PARD3: variants seen among roughly 807,000 people sequenced by gnomAD.
The protein encoded by PARD3 is par-3 family cell polarity regulator, also known as partitioning defective 3 homolog.
A neutral mutation model predicts 155.4 loss-of-function variants in PARD3; 75 were observed. That is an observed-to-expected ratio of 0.48 (90% CI 0.40 to 0.58). The LOEUF (loss-of-function observed/expected upper bound fraction) is 0.58. Ranked by LOEUF, PARD3 falls within the 20% of genes least tolerant of loss-of-function variation. The probability of loss-of-function intolerance (pLI) is 0.00; values close to 1 mark genes in which losing one functional copy is unlikely to be tolerated. For synonymous variants in PARD3, 576 were observed against 610.5 expected, an observed-to-expected ratio of 0.94 and a Z score of 0.83; for missense variants, 1,642 against 1,721.7, an observed-to-expected ratio of 0.95 and a Z score of 0.82.
intron 16 of PARD3, among the ~76,000 whole-genome samples, chr10:34,338,239 T>C (rs528167974): frequency 2.6e-5 from 4 of 152,366 alleles, no homozygotes; most frequent in African/African-American, 7.2e-5. Flanking sequence ...AGGAAGCATA[T>C]GGCAAATCCC....
intron 2 of PARD3, among the ~76,000 whole-genome samples, chr10:34,566,068 G>C (rs1253217854): frequency 1.3e-5 from 2 of 152,236 alleles, no homozygotes; most frequent in East Asian, 1.9e-4. Context: ...ACTACATGAG[G>C]TCTGGAGCTG....
chr10:34,621,835 G>GA (rs1227716255), intron 2 of PARD3, among the ~76,000 whole-genome samples: 1 of 152,056 alleles, frequency 6.6e-6, no homozygotes, highest in Non-Finnish European at 1.5e-5. Flanking sequence ...TACCAAAACT[G>GA]AAAAAAGATT....
At position 34,814,869 on chromosome 10, in the gene PARD3, C is replaced by T. The variant is rs776623871; in HGVS notation, c.120+7G>A. On this transcript the variant is annotated splice_region_variant and intron_variant, in intron 1 of 24. Coordinates refer to ENST00000374788, the MANE Select transcript of PARD3 (RefSeq NM_001184785.2). The stretch of plus-strand genomic sequence containing the variant: ...CCCCCTCCCCGCCCGCGCCCCCGGC[C>T]CCTCACCTTGGCGATGGCCTTCCGG... The T allele has an allele frequency of 3.7e-5, 56 of 1,513,588 alleles. 1 individual carries two copies. In the Admixed American group the frequency reaches 1.1e-3, roughly 30 times the overall value. 93.8% of individuals were successfully genotyped at this position (1,513,588 alleles called of 1,614,324 possible).
At chr10:34,533,998 T>A (rs2083042672) in intron 2 of PARD3, among the ~76,000 whole-genome samples, 1 of 152,060 alleles carries the variant, frequency 6.6e-6, no homozygotes, top group Admixed American at 6.5e-5. Flanking sequence ...ACACCCCCAT[T>A]TCCATGAAAG....
At chr10:34,402,000 G>A in intron 5 of PARD3, 83 bp from the exon 6 acceptor site, 1 of 1,025,038 alleles carries the variant, frequency 9.8e-7, no homozygotes, top group Non-Finnish European at 1.6e-6. Flanking sequence ...TAAAATGGAA[G>A]TCTAATAGGC....
chr10:34,215,792 A>C (rs549452170), intron 22 of PARD3, among the ~76,000 whole-genome samples: 1 of 152,234 alleles, frequency 6.6e-6, no homozygotes, highest in African/African-American at 2.4e-5. Flanking sequence ...CTTAGCAAAG[A>C]AGTGTGTGTG....
chr10:34,186,289 G>A (rs1369489318), intron 22 of PARD3, among the ~76,000 whole-genome samples: 1 of 150,340 alleles, frequency 6.7e-6, no homozygotes, highest in African/African-American at 2.4e-5. Flanking sequence ...GAGCCCAGGA[G>A]TTCAAGGCTG....
At chr10:34,257,467 G>A (rs1233719691) in intron 22 of PARD3, among the ~76,000 whole-genome samples, 3 of 152,196 alleles carry the variant, frequency 2.0e-5, no homozygotes, top group African/African-American at 7.2e-5. Flanking sequence ...GCAGGATCTT[G>A]GAGCTTTTGT....
intron 5 of PARD3, among the ~76,000 whole-genome samples, chr10:34,446,404 A>G (rs1007994346): frequency 1.8e-4 from 27 of 152,032 alleles, no homozygotes; most frequent in African/African-American, 5.8e-4. Flanking sequence ...TTTGGCGGGT[A>G]TTGTATCACT....
At chr10:34,436,854 T>C (rs1202869565) in intron 5 of PARD3, among the ~76,000 whole-genome samples, 1 of 152,052 alleles carries the variant, frequency 6.6e-6, no homozygotes, top group Non-Finnish European at 1.5e-5. Context: ...GTAGTATTTA[T>C]ATAAAAAGGT....
intron 21 of PARD3, among the ~76,000 whole-genome samples, chr10:34,282,002 T>G (rs1256304399): frequency 6.6e-6 from 1 of 151,990 alleles, no homozygotes; most frequent in African/African-American, 2.4e-5. Flanking sequence ...CAAAATTTTT[T>G]CAAGGAAGCT....
chr10:34,636,537 T>TG (rs1457312193), intron 2 of PARD3, among the ~76,000 whole-genome samples: 1 of 152,108 alleles, frequency 6.6e-6, no homozygotes, highest in Non-Finnish European at 1.5e-5. Context: ...TTCTGCGGGG[T>TG]GGAGGCATGG....
chr10:34,324,589 G>A (rs1227424115), intron 19 of PARD3, among the ~76,000 whole-genome samples: 2 of 152,172 alleles, frequency 1.3e-5, no homozygotes, highest in African/African-American at 4.8e-5. Flanking sequence ...AGGAGGCCCA[G>A]TTGGGAGACA....
intron 5 of PARD3, among the ~76,000 whole-genome samples, chr10:34,417,457 T>C (rs1845780389): frequency 1.3e-5 from 2 of 152,176 alleles, no homozygotes; most frequent in African/African-American, 2.4e-5. Context: ...CCCCTTCACC[T>C]ATGAACCACC....
At chr10:34,624,326 CAG>C (rs1564430133) in intron 2 of PARD3, among the ~76,000 whole-genome samples, 2 of 152,262 alleles carry the variant, frequency 1.3e-5, no homozygotes, top group East Asian at 3.9e-4. Context: ...CCTCATCCCA[CAG>C]CTGTGAGGAA....
intron 7 of PARD3, among the ~76,000 whole-genome samples, chr10:34,387,386 C>T (rs1391210443): frequency 2.0e-5 from 3 of 152,082 alleles, no homozygotes; most frequent in Non-Finnish European, 4.4e-5. Context: ...TTTATGACAA[C>T]TTAAAACAGT....
chr10:34,447,480 C>CCAA (rs2076802921), intron 5 of PARD3, among the ~76,000 whole-genome samples: 1 of 37,196 alleles, frequency 2.7e-5, no homozygotes, highest in Non-Finnish European at 4.9e-5. Context: ...GACTGCGTCT[C>CCAA]AAAAAAAAAA....
chr10:34,237,626 A>G (rs1390327034), intron 22 of PARD3, among the ~76,000 whole-genome samples: 1 of 152,202 alleles, frequency 6.6e-6, no homozygotes, highest in African/African-American at 2.4e-5. Context: ...TTTTGATTAC[A>G]TAAACTATGA....
At chr10:34,347,282 G>A (rs1294633918) in intron 15 of PARD3, among the ~76,000 whole-genome samples, 1 of 152,218 alleles carries the variant, frequency 6.6e-6, no homozygotes, top group Non-Finnish European at 1.5e-5. Context: ...AACCACTCCT[G>A]TGGCAAAGCA....
Sources: allele counts gnomAD v4.1 joint callset (sites outside exome capture counted in the v4.1 genomes callset), GRCh38; gene constraint gnomAD v4.1.1; transcripts MANE v1.5; gene names NCBI Gene and HGNC (gene_info 2026-07-23, HGNC 2026-07-21).